Variants in ZYG11B observed in about 807,000 individuals in gnomAD.
The protein encoded by ZYG11B is protein zyg-11 homolog B.
A neutral mutation model predicts 82.4 loss-of-function variants in ZYG11B; 36 were observed. That is an observed-to-expected ratio of 0.44 (90% CI 0.33 to 0.58). ZYG11B has a LOEUF of 0.58. Ranked by LOEUF, ZYG11B falls within the 20% of genes least tolerant of loss-of-function variation. The pLI, the probability that ZYG11B is intolerant of heterozygous loss-of-function variation, is 0.02. For synonymous variants in ZYG11B, 303 were observed against 312.8 expected (o/e 0.97, Z 0.33); for missense variants, 552 against 895.6 (o/e 0.62, Z 4.90).
At chr1:52,786,774 T>G (rs1267989788) in intron 5 of ZYG11B, among the ~76,000 whole-genome samples, 1 of 151,238 alleles carries the variant, frequency 6.6e-6, no homozygotes. Flanking sequence ...GAGCAAGACC[T>G]TGTCTCAAAA....
At chr1:52,782,507 A>G (rs1026404416) in intron 4 of ZYG11B, among the ~76,000 whole-genome samples, 4 of 151,974 alleles carry the variant, frequency 2.6e-5, no homozygotes, top group Non-Finnish European at 2.9e-5. Flanking sequence ...TTCTGCCTCA[A>G]CCTCTCGAAT....
At chr1:52,814,671 GC>G (rs1312002676) in intron 12 of ZYG11B, among the ~76,000 whole-genome samples, 2 of 151,434 alleles carry the variant, frequency 1.3e-5, no homozygotes, top group Non-Finnish European at 2.9e-5. Flanking sequence ...CTGCATTCCA[GC>G]CTGAGTGACA....
chr1:52,752,235 C>T (rs1644532490), intron 1 of ZYG11B, among the ~76,000 whole-genome samples: 1 of 152,046 alleles, frequency 6.6e-6, no homozygotes, highest in Non-Finnish European at 1.5e-5. Flanking sequence ...TCACAGAACC[C>T]ATGAAAATTT....
chr1:52,729,260 G>T (rs943943208), intron 1 of ZYG11B, among the ~76,000 whole-genome samples: 3 of 152,080 alleles, frequency 2.0e-5, no homozygotes, highest in East Asian at 1.9e-4. Context: ...CCTCCCAAAG[G>T]CCCCACCTCC....
chr1:52,754,349 C>G (rs889025133), intron 1 of ZYG11B: 1 of 152,104 alleles, frequency 6.6e-6, no homozygotes, highest in African/African-American at 2.4e-5. Context: ...TGGCTAAGAT[C>G]AAGTGTAGTA....
chr1:52,790,470 C>A lies in ZYG11B; in HGVS notation c.1334+403C>A, dbSNP rs78218071. 7.2e-4 allele frequency among the ~76,000 whole-genome samples: 109 copies of A among 152,122 alleles called. 2 individuals are homozygous for A. In the East Asian group the frequency reaches 0.02, roughly 28 times the overall value. ...GTTTGGCCAGGCACAGTGGCTCATG[C>A]CTATAATCCCAGCGCTTTAGGAGGC... On this transcript the variant is annotated intron_variant, in intron 6 of 13. Transcript: ENST00000294353.
At position 52,796,302 on chromosome 1, in the gene ZYG11B, G is replaced by A; in HGVS notation, c.1345G>A (p.Ala449Thr). The A allele has an allele frequency of 6.2e-7, 1 of 1,613,536 alleles. No individual in the cohort carries two copies. Among genetic ancestry groups the A allele is most frequent in the Non-Finnish European group, 8.5e-7 (1 of 1,179,654 alleles). The change falls in exon 7 of 14, where the codon GCC (alanine) becomes ACC (threonine). Residue 449 changes from alanine (A) to threonine (T), a missense_variant. Ala to Thr is a moderately conservative substitution (Grantham distance 58, BLOSUM62 0). This residue lies in a region of ZYG11B where 359 missense variants were observed against 555.8 expected (regional missense o/e 0.65). Coordinates refer to ENST00000294353, the MANE Select transcript of ZYG11B (RefSeq NM_024646.3). ...TTTTTGTGTTTTCAGGTTTGAAGCA[G>A]CCAAGCTTGTCATGCAGTGGCTTTG... is the stretch of plus-strand genomic sequence containing the variant. ...QDVPFNRFEA[A>T]KLVMQWLCNH... is the part of the protein sequence containing the mutation.
chr1:52,742,547 A>G (rs1344720868), intron 1 of ZYG11B, among the ~76,000 whole-genome samples: 1 of 152,114 alleles, frequency 6.6e-6, no homozygotes, highest in African/African-American at 2.4e-5. Context: ...TGTTACTTCA[A>G]GAGTCAAAAA....
chr1:52,746,547 T>A (rs1433592856), intron 1 of ZYG11B, among the ~76,000 whole-genome samples: 5 of 151,822 alleles, frequency 3.3e-5, no homozygotes, highest in African/African-American at 1.2e-4. Flanking sequence ...TTCTGAAAAA[T>A]TGTGCCAATT....
intron 6 of ZYG11B, among the ~76,000 whole-genome samples, chr1:52,790,457 A>G (rs1436578164): frequency 6.6e-6 from 1 of 152,124 alleles, no homozygotes; most frequent in East Asian, 1.9e-4. Context: ...TTGGCCAGGC[A>G]CAGTGGCTCA....
At position 52,771,786 on chromosome 1, in the gene ZYG11B, A is replaced by AAAATGTATTATT. The variant is rs780982511; in HGVS notation, c.951+13_951+24dup. 3 of 1,593,940 alleles carry AAAATGTATTATT rather than the reference A, an allele frequency of 1.9e-6. No homozygotes were observed. In the Admixed American group the frequency reaches 5.3e-5, roughly 28 times the overall value. On this transcript the variant is annotated intron_variant, in intron 3 of 13. Coordinates refer to ENST00000294353, the MANE Select transcript of ZYG11B (RefSeq NM_024646.3). This position sits in a 1 kb window ranked among gnomAD's most constrained non-coding sequence, Gnocchi z 5.4. ...AAGGACATTTGAAGGTTAGACTTTAAAAATGTATTATTTTGTCAGGCTGAC... is the reference window on the plus strand; with the variant it reads ...AAGGACATTTGAAGGTTAGACTTTAAAAATGTATTATTAAATGTATTATTTTGTCAGGCTGAC...
intron 13 of ZYG11B, among the ~76,000 whole-genome samples, chr1:52,817,779 A>ATATATATATATATATATG (rs1645240429): frequency 3.0e-4 from 4 of 13,552 alleles, no homozygotes; most frequent in East Asian, 6.7e-3. Flanking sequence ...ATATATGTGT[A>ATATATATATATATATATG]TATATATATA....
chr1:52,792,580 A>G (rs550501380), intron 6 of ZYG11B, among the ~76,000 whole-genome samples: 1 of 152,232 alleles, frequency 6.6e-6, no homozygotes, highest in Non-Finnish European at 1.5e-5. Context: ...AGTAAGTAGC[A>G]GAGTCTAGAT....
chr1:52,755,042 GCT>G (rs34138421), intron 1 of ZYG11B, among the ~76,000 whole-genome samples: 21,198 of 147,814 alleles, frequency 0.14, 3,059 homozygotes, highest in African/African-American at 0.38. Flanking sequence ...CTCACTGCAA[GCT>G]CCGCCTCCTG....
rs1645321022 is a variant in ZYG11B at position 52,825,843 on chromosome 1, G to T, written c.*4214G>T. On this transcript the variant is annotated 3_prime_UTR_variant, in exon 14 of 14. Coordinates refer to ENST00000294353, the MANE Select transcript of ZYG11B (RefSeq NM_024646.3). ...TATGCCATGCATCAACATAACACCGGGCCATCTTCCTATCCCTTCCTATCC... is the reference window on the plus strand; with the variant it reads ...TATGCCATGCATCAACATAACACCGTGCCATCTTCCTATCCCTTCCTATCC... 6.6e-6 allele frequency: 1 copy of T among 151,834 alleles called. No homozygotes were observed. 9.4% of individuals were successfully genotyped at this position (151,834 alleles called of 1,614,324 possible).
At position 52,735,918 on chromosome 1, in the gene ZYG11B, T is replaced by TG. The variant is rs567515658; in HGVS notation, c.30+9240dup. 4.9e-4 allele frequency among the ~76,000 whole-genome samples: 74 copies of TG among 152,174 alleles called. 2 individuals carry two copies. In the South Asian group the frequency reaches 0.015, roughly 31 times the overall value. On this transcript the variant is annotated intron_variant, in intron 1 of 13. Coordinates refer to ENST00000294353, the MANE Select transcript of ZYG11B (RefSeq NM_024646.3). ...ACATACTTTCAGAACATATTAATTGTGGGGGAGAAAAAGCAAAAAGCAGGT... is the reference window on the plus strand; with the variant it reads ...ACATACTTTCAGAACATATTAATTGTGGGGGGAGAAAAAGCAAAAAGCAGGT...
chr1:52,766,583 T>C (rs1259786287), intron 2 of ZYG11B, among the ~76,000 whole-genome samples: 1 of 152,302 alleles, frequency 6.6e-6, no homozygotes, highest in African/African-American at 2.4e-5. Context: ...CAGAGTAATT[T>C]TTTATTGAAA....
Position 52,813,647 on chromosome 1 carries a change from G to C in ZYG11B, c.1807G>C (p.Ala603Pro). ...SVEVEVSYFAAGIIAHLISRG... is the reference protein window; with the variant it reads ...SVEVEVSYFAPGIIAHLISRG... The stretch of plus-strand genomic sequence containing the variant: ...GGAAGTGGAAGTCAGTTACTTTGCA[G>C]CTGGAATTATTGCCCATTTAATATC... Residue 603 changes from alanine (A) to proline (P), a missense_variant, in exon 11 of 14, where the codon GCT becomes CCT. This residue lies in a region of ZYG11B where 66 missense variants were observed against 176.4 expected (regional missense o/e 0.37). Coordinates refer to ENST00000294353, the MANE Select transcript of ZYG11B (RefSeq NM_024646.3). 6.2e-7 allele frequency: 1 copy of C among 1,614,072 alleles called. No homozygotes were observed. Among genetic ancestry groups the C allele is most frequent in the Non-Finnish European group, 8.5e-7 (1 of 1,180,018 alleles).
intron 10 of ZYG11B, among the ~76,000 whole-genome samples, chr1:52,803,121 C>CATATATATATATAT (rs1183952286): frequency 7.6e-5 from 4 of 52,514 alleles, no homozygotes; most frequent in South Asian, 5.5e-4. Context: ...TATATATACA[C>CATATATATATATAT]ACATATATAT....
Sources: gnomAD v4.1 joint callset for allele counts (sites outside exome capture counted in the v4.1 genomes callset) on GRCh38, gnomAD v4.1.1 for gene constraint, gnomAD v4.1.1 regional missense constraint, Gnocchi (gnomAD v3.1) non-coding constraint, MANE v1.5 for transcripts, NCBI Gene and HGNC (gene_info 2026-07-23, HGNC 2026-07-21) for gene names.